Variants in ABCB7 observed in about 807,000 individuals in gnomAD.
The protein encoded by ABCB7 is iron-sulfur clusters transporter ABCB7, mitochondrial.
Under a neutral mutation model 54.4 loss-of-function variants are expected in ABCB7, and 7 were observed. The ratio of observed to expected loss-of-function variants is 0.13; its 90% CI spans 0.07 to 0.24. The LOEUF is 0.24. Among genes scored for constraint, ABCB7 ranks in the 10% least tolerant of loss-of-function variants. The pLI, the probability that ABCB7 is intolerant of heterozygous loss-of-function variation, is 1.00. For synonymous variants in ABCB7, 218 were observed against 207.1 expected (o/e 1.05, Z -0.45); for missense variants, 356 against 570.4 (o/e 0.62, Z 3.83).
At chrX:75,104,371 A>C (rs1489640414) in intron 3 of ABCB7, among the ~76,000 whole-genome samples, 1 of 109,293 alleles carries the variant, frequency 9.1e-6, no homozygotes, top group Non-Finnish European at 1.9e-5. Flanking sequence ...GTTACAACTG[A>C]TACCACAGAA....
At chrX:75,095,619 A>G (rs1267402964) in intron 4 of ABCB7, among the ~76,000 whole-genome samples, 1 of 112,346 alleles carries the variant, frequency 8.9e-6, no homozygotes, top group Non-Finnish European at 1.9e-5. Context: ...TAAAAAGAAA[A>G]TTGTTTTCTA....
chrX:75,078,655 T>C lies in ABCB7; in HGVS notation c.454-2001A>G, dbSNP rs77692649. The stretch of plus-strand genomic sequence containing the variant: ...TACAAAATAGATTTTATCTGTATAG[T>C]TGAGGAACCTCAGGTTCCACAAGGT... On this transcript the variant is annotated intron_variant, in intron 4 of 15. Coordinates refer to ENST00000373394, the MANE Select transcript of ABCB7 (RefSeq NM_001271696.3). 2.7e-5 allele frequency among the ~76,000 whole-genome samples: 3 copies of C among 111,889 alleles called. No homozygotes were observed. The Admixed American group carries it at 2.8e-4, about 11-fold the overall frequency.
chrX:75,135,122 A>T (rs1396261592), intron 1 of ABCB7, among the ~76,000 whole-genome samples: 1 of 109,949 alleles, frequency 9.1e-6, no homozygotes, highest in Non-Finnish European at 1.9e-5. Flanking sequence ...AAACACAATC[A>T]GAAATGACAA....
chrX:75,074,923 C>A (rs1208036396), intron 6 of ABCB7, among the ~76,000 whole-genome samples: 1 of 110,460 alleles, frequency 9.1e-6, no homozygotes, highest in Non-Finnish European at 1.9e-5. Context: ...ATTTGTACAC[C>A]ACACCCCAGT....
At chrX:75,127,686 T>C (rs1325793986) in intron 1 of ABCB7, among the ~76,000 whole-genome samples, 3 of 112,081 alleles carry the variant, frequency 2.7e-5, no homozygotes, top group African/African-American at 9.7e-5. Context: ...AAAAACTCCT[T>C]AAGCTGATAA....
At chrX:75,125,787 G>T (rs2147543874) in intron 1 of ABCB7, among the ~76,000 whole-genome samples, 1 of 110,238 alleles carries the variant, frequency 9.1e-6, no homozygotes, top group Non-Finnish European at 1.9e-5. Context: ...AATTGAATTA[G>T]CTCCTCAAAT....
chrX:75,053,361 TTA>T lies in ABCB7; in HGVS notation c.*7_*8del, dbSNP rs755815706. 7 of 1,209,898 alleles carry T rather than the reference TTA, an allele frequency of 5.8e-6. No individual in the cohort carries two copies. The East Asian group carries it at 2.1e-4, about 36-fold the overall frequency. ...CAAAACAACAAAAAAAGAAAATGTC[TTA>T]TGTGACTTAGCACGAACAGTTTCCA... On this transcript the variant is annotated 3_prime_UTR_variant, in exon 16 of 16. Coordinates refer to ENST00000373394, the MANE Select transcript of ABCB7 (RefSeq NM_001271696.3).
At chrX:75,113,458 A>C (rs2081779940) in intron 2 of ABCB7, among the ~76,000 whole-genome samples, 2 of 112,218 alleles carry the variant, frequency 1.8e-5, no homozygotes, top group Admixed American at 1.9e-4. Flanking sequence ...TTTAGAAACA[A>C]GGTATTTTTT....
rs1410890867 is a variant in ABCB7 at position 75,112,875 on chromosome X, C to G, written c.333+11G>C. 8.4e-7 allele frequency: 1 copy of G among 1,192,945 alleles called. No homozygotes were observed. The highest frequency in any genetic ancestry group is 1.1e-6 in the Non-Finnish European group (1 of 878,985). ...ATCAAGAATTTCCAGTTACTTGTTA[C>G]TGGCTCTTACCCCTTCTTTTGGGTC... On this transcript the variant is annotated intron_variant, in intron 3 of 15. Coordinates refer to ENST00000373394, the MANE Select transcript of ABCB7 (RefSeq NM_001271696.3).
intron 1 of ABCB7, among the ~76,000 whole-genome samples, chrX:75,147,306 A>C (rs2082098810): frequency 8.9e-6 from 1 of 111,755 alleles, no homozygotes; most frequent in African/African-American, 3.3e-5. Context: ...TGACCCAGCA[A>C]TCCTATTACT....
chrX:75,072,804 C>A (rs1036051091), intron 8 of ABCB7, among the ~76,000 whole-genome samples: 7 of 111,679 alleles, frequency 6.3e-5, no homozygotes, highest in Non-Finnish European at 1.3e-4. Context: ...TTTTACTTTA[C>A]AAACTTAAAT....
intron 1 of ABCB7, among the ~76,000 whole-genome samples, chrX:75,145,100 C>T (rs891817960): frequency 3.6e-5 from 4 of 110,282 alleles, no homozygotes; most frequent in Non-Finnish European, 7.6e-5. Flanking sequence ...TAATAAACAG[C>T]CTACCAACCA....
intron 3 of ABCB7, among the ~76,000 whole-genome samples, chrX:75,102,185 T>C (rs773162561): frequency 6.3e-5 from 7 of 110,858 alleles, no homozygotes; most frequent in Non-Finnish European, 1.1e-4. Context: ...TTTCTATGGG[T>C]TGGGAACATT....
intron 1 of ABCB7, among the ~76,000 whole-genome samples, chrX:75,120,444 A>C (rs1230661832): frequency 1.8e-5 from 2 of 109,739 alleles, no homozygotes; most frequent in Non-Finnish European, 3.8e-5. Flanking sequence ...CCCTGTCTCT[A>C]CTAAAAATAC....
intron 3 of ABCB7, 112 bp from the exon 4 acceptor site, chrX:75,099,173 T>C (rs2081618041): frequency 3.4e-6 from 3 of 871,950 alleles, no homozygotes; most frequent in Admixed American, 5.8e-5. Flanking sequence ...ATTACAAATA[T>C]AACTTTTATT....
At chrX:75,144,658 T>A (rs1311101853) in intron 1 of ABCB7, among the ~76,000 whole-genome samples, 1 of 109,545 alleles carries the variant, frequency 9.1e-6, no homozygotes. Context: ...AATCTTTCAG[T>A]AGTGGGTTTG....
intron 1 of ABCB7, among the ~76,000 whole-genome samples, chrX:75,133,385 C>T (rs1279498404): frequency 8.9e-6 from 1 of 111,764 alleles, no homozygotes; most frequent in African/African-American, 3.3e-5. Context: ...GGAGAGAAAG[C>T]AACTTAGAAA....
chrX:75,061,531 G>A (rs779806986), intron 14 of ABCB7, among the ~76,000 whole-genome samples: 4 of 111,412 alleles, frequency 3.6e-5, no homozygotes, highest in Admixed American at 1.9e-4. Context: ...ATCAAACAAT[G>A]GGCCCTGAAA....
At chrX:75,110,279 G>C (rs2081747153) in intron 3 of ABCB7, among the ~76,000 whole-genome samples, 1 of 111,942 alleles carries the variant, frequency 8.9e-6, no homozygotes, top group Non-Finnish European at 1.9e-5. Context: ...GACAATTTTA[G>C]AAATCAAATG....
Sources: gnomAD v4.1 joint callset for allele counts (sites outside exome capture counted in the v4.1 genomes callset) on GRCh38, gnomAD v4.1.1 for gene constraint, MANE v1.5 for transcripts, NCBI Gene and HGNC (gene_info 2026-07-23, HGNC 2026-07-21) for gene names.